The following SMYD3 variants were observed in gnomAD, a reference collection of about 807,000 sequenced individuals.
The protein encoded by SMYD3 is histone-lysine N-methyltransferase SMYD3.
SMYD3 carries 36 observed loss-of-function variants against 57.7 expected under a neutral mutation model. That is an observed-to-expected ratio of 0.62 (90% CI 0.48 to 0.82). SMYD3 has a LOEUF of 0.82. Among genes scored for constraint, SMYD3 ranks in the 40% least tolerant of loss-of-function variants. The pLI, the probability that SMYD3 is intolerant of heterozygous loss-of-function variation, is 0.00. For synonymous variants in SMYD3, 211 were observed against 195.0 expected (o/e 1.08, Z -0.68); for missense variants, 515 against 538.8 (o/e 0.96, Z 0.44).
At chr1:245,801,294 C>T (rs186251425) in intron 10 of SMYD3, among the ~76,000 whole-genome samples, 4 of 152,166 alleles carry the variant, frequency 2.6e-5, no homozygotes, top group Admixed American at 1.3e-4. Context: ...AACAGAGTAT[C>T]GGATTTGACA....
chr1:245,770,607 G>C lies in SMYD3; in HGVS notation c.1077-6458C>G, dbSNP rs1331845730. ...ATTTTCTGTATAATGTTCTGCATTT[G>C]GTAAAATTATAACCCGGCATACAAA... On this transcript the variant is annotated intron_variant, in intron 10 of 11. Coordinates refer to ENST00000490107, the MANE Select transcript of SMYD3 (RefSeq NM_001167740.2). Among the ~76,000 whole-genome samples the C allele has an allele frequency of 3.9e-5, 6 of 152,156 alleles. No individual in the cohort carries two copies. In the East Asian group the frequency reaches 1.2e-3, roughly 29 times the overall value.
intron 5 of SMYD3, among the ~76,000 whole-genome samples, chr1:245,949,545 C>T (rs1401490042): frequency 6.6e-6 from 1 of 152,232 alleles, no homozygotes; most frequent in African/African-American, 2.4e-5. Flanking sequence ...TGCGGTGGCT[C>T]ACGCCTGTAA....
intron 1 of SMYD3, among the ~76,000 whole-genome samples, chr1:246,499,371 CA>C (rs2068421246): frequency 6.7e-6 from 1 of 150,086 alleles, no homozygotes; most frequent in Admixed American, 6.6e-5. Context: ...ATATATGTAA[CA>C]ATTTTTTAAG....
intron 10 of SMYD3, among the ~76,000 whole-genome samples, chr1:245,814,819 C>T (rs776489311): frequency 6.6e-6 from 1 of 151,654 alleles, no homozygotes. Flanking sequence ...CACACACACA[C>T]ACGCACGCAC....
intron 5 of SMYD3, among the ~76,000 whole-genome samples, chr1:246,289,948 G>C (rs1024770316): frequency 6.6e-6 from 1 of 152,174 alleles, no homozygotes; most frequent in Non-Finnish European, 1.5e-5. Flanking sequence ...TTTATCACGA[G>C]TGTGTGGGCC....
chr1:246,046,603 A>G (rs1225664858), intron 5 of SMYD3, among the ~76,000 whole-genome samples: 2 of 150,380 alleles, frequency 1.3e-5, no homozygotes. Flanking sequence ...GTGTGCAGGT[A>G]CCTTAGAACT....
chr1:246,189,658 T>C (rs1369846320), intron 5 of SMYD3, among the ~76,000 whole-genome samples: 2 of 152,166 alleles, frequency 1.3e-5, no homozygotes, highest in African/African-American at 2.4e-5. Context: ...ATTAGTCACT[T>C]AGGGTGGCTG....
intron 5 of SMYD3, among the ~76,000 whole-genome samples, chr1:246,264,014 T>C (rs1044254487): frequency 6.6e-6 from 1 of 151,392 alleles, no homozygotes; most frequent in Non-Finnish European, 1.5e-5. Flanking sequence ...CAAAAGGCCA[T>C]ATTGCCTAAG....
At chr1:245,844,868 A>C (rs2050585903) in intron 10 of SMYD3, among the ~76,000 whole-genome samples, 1 of 151,924 alleles carries the variant, frequency 6.6e-6, no homozygotes, top group Admixed American at 6.6e-5. Flanking sequence ...TCACATACAC[A>C]CGACATGGCT....
At chr1:246,357,939 A>G (rs1357768333) in intron 1 of SMYD3, among the ~76,000 whole-genome samples, 1 of 152,212 alleles carries the variant, frequency 6.6e-6, no homozygotes, top group African/African-American at 2.4e-5. Context: ...CAAACAGCAC[A>G]ATGAATGGAA....
chr1:246,216,522 T>C (rs550154211), intron 5 of SMYD3, among the ~76,000 whole-genome samples: 1 of 152,172 alleles, frequency 6.6e-6, no homozygotes, highest in East Asian at 1.9e-4. Flanking sequence ...TATTAGAGAA[T>C]TGTTACTAAT....
At chr1:246,131,288 A>T (rs1157065216) in intron 5 of SMYD3, among the ~76,000 whole-genome samples, 2 of 152,172 alleles carry the variant, frequency 1.3e-5, no homozygotes, top group African/African-American at 4.8e-5. Flanking sequence ...ATTCCAGATT[A>T]TTATAACAAA....
intron 5 of SMYD3, among the ~76,000 whole-genome samples, chr1:245,939,531 G>A (rs939157291): frequency 6.6e-6 from 1 of 152,146 alleles, no homozygotes; most frequent in East Asian, 1.9e-4. Flanking sequence ...GGAGACTGAG[G>A]CAGGGGAATC....
intron 5 of SMYD3, among the ~76,000 whole-genome samples, chr1:246,253,855 A>C (rs1456894661): frequency 6.6e-6 from 1 of 152,130 alleles, no homozygotes; most frequent in African/African-American, 2.4e-5. Context: ...TCTCTTTTGG[A>C]TATGTATCCA....
chr1:245,826,464 C>G (rs987893946), intron 10 of SMYD3, among the ~76,000 whole-genome samples: 5 of 152,166 alleles, frequency 3.3e-5, no homozygotes, highest in African/African-American at 1.2e-4. Flanking sequence ...ATCCTCCTGC[C>G]TCAGCCTCCC....
At chr1:245,794,723 C>G (rs890043014) in intron 10 of SMYD3, among the ~76,000 whole-genome samples, 1 of 152,152 alleles carries the variant, frequency 6.6e-6, no homozygotes, top group Non-Finnish European at 1.5e-5. Context: ...TTCCTCTGAG[C>G]TGCATTCTGG....
intron 5 of SMYD3, among the ~76,000 whole-genome samples, chr1:246,265,719 G>A (rs949508866): frequency 6.6e-6 from 1 of 152,178 alleles, no homozygotes; most frequent in Non-Finnish European, 1.5e-5. Flanking sequence ...TCTTAATAAT[G>A]AGCTCATCAT....
intron 5 of SMYD3, among the ~76,000 whole-genome samples, chr1:246,304,536 G>C (rs1189902732): frequency 6.6e-6 from 1 of 152,094 alleles, no homozygotes; most frequent in African/African-American, 2.4e-5. Context: ...AAAAAAAATA[G>C]AGAGGAAAAA....
At chr1:246,451,055 A>G (rs2067625971) in intron 1 of SMYD3, among the ~76,000 whole-genome samples, 2 of 152,212 alleles carry the variant, frequency 1.3e-5, no homozygotes, top group Admixed American at 6.5e-5. Context: ...ACAAACATTC[A>G]GCAGGTGCCT....
Sources: gnomAD v4.1 joint callset for allele counts (sites outside exome capture counted in the v4.1 genomes callset) on GRCh38, gnomAD v4.1.1 for gene constraint, MANE v1.5 for transcripts, NCBI Gene and HGNC (gene_info 2026-07-23, HGNC 2026-07-21) for gene names.